Variants in ZNF365 observed in about 807,000 individuals in gnomAD.
The protein encoded by ZNF365 is protein ZNF365.
ZNF365 carries 22 observed loss-of-function variants against 35.0 expected under a neutral mutation model. The ratio of observed to expected loss-of-function variants is 0.63; its 90% confidence interval spans 0.45 to 0.90. The LOEUF is 0.90. Among genes scored for constraint, ZNF365 ranks in the 40% least tolerant of loss-of-function variants. The pLI is 0.00. For synonymous variants in ZNF365, 188 were observed against 196.2 expected, an observed-to-expected ratio of 0.96 and a Z score of 0.35; for missense variants, 448 against 500.3, an observed-to-expected ratio of 0.90 and a Z score of 1.00.
Position 62,388,545 on chromosome 10 carries a change from C to T in ZNF365, c.893C>T (p.Ser298Phe). Residue 298 changes from serine to phenylalanine, a missense_variant, in exon 3 of 5, where the codon TCT (serine) becomes TTT (phenylalanine). Transcript: ENST00000395254. Reference protein sequence around the residue: ...QLEYYQSQQASGFVRDLSGHV... With the variant: ...QLEYYQSQQAFGFVRDLSGHV... ...GAGTACTATCAGAGCCAGCAGGCCT[C>T]TGGCTTTGTCCGTGATCTCAGCGGG... 6.2e-7 allele frequency: 1 copy of T among 1,614,132 alleles called. No individual in the cohort carries two copies. Among genetic ancestry groups the T allele is most frequent in the Non-Finnish European group, 8.5e-7 (1 of 1,180,032 alleles).
At chr10:62,414,819 C>A (rs1840047665) in intron 3 of ZNF365, among the ~76,000 whole-genome samples, 1 of 152,190 alleles carries the variant, frequency 6.6e-6, no homozygotes, top group African/African-American at 2.4e-5. Context: ...TTTTGGGATA[C>A]AGGCTATATG....
In ZNF365 at chr10:62,376,671, C is replaced by T. The variant is rs776601568; in HGVS notation, c.478C>T (p.His160Tyr). ...TSDTKASFEA[H>Y]VREKFNRMVE... ...AGACACCAAAGCTTCTTTCGAGGCA[C>T]ATGTCAGAGAAAAATTCAATCGAAT... Residue 160 changes from histidine (H) to tyrosine (Y), a missense_variant, in exon 2 of 5, where the codon CAT becomes TAT. Transcript: ENST00000395254. The T allele has an allele frequency of 4.3e-6, 7 of 1,614,096 alleles. No homozygotes were observed. Among genetic ancestry groups the T allele is most frequent in the South Asian group, 3.3e-5 (3 of 91,076 alleles).
chr10:62,420,540 A>G (rs2132447238), intron 3 of ZNF365, among the ~76,000 whole-genome samples: 1 of 152,344 alleles, frequency 6.6e-6, no homozygotes, highest in Middle Eastern at 3.4e-3. Flanking sequence ...ATTGGCCCAT[A>G]TAACTGCAAA....
At chr10:62,471,306 C>A (rs1420777136) in intron 4 of ZNF365, among the ~76,000 whole-genome samples, 1 of 146,842 alleles carries the variant, frequency 6.8e-6, no homozygotes, top group Non-Finnish European at 1.5e-5. Context: ...GCGGAGCTTG[C>A]AGTGAGCCGA....
At chr10:62,466,097 C>T (rs188602615) in intron 4 of ZNF365, among the ~76,000 whole-genome samples, 3 of 152,332 alleles carry the variant, frequency 2.0e-5, no homozygotes, top group Non-Finnish European at 2.9e-5. Flanking sequence ...CACCCCTACT[C>T]ACTGCACTGC....
chr10:62,456,439 C>T (rs1411022677), intron 3 of ZNF365, among the ~76,000 whole-genome samples: 1 of 152,216 alleles, frequency 6.6e-6, no homozygotes, highest in Non-Finnish European at 1.5e-5. Context: ...TCCCCCACCC[C>T]TCTCTTCTCA....
intron 4 of ZNF365, among the ~76,000 whole-genome samples, chr10:62,478,574 T>C (rs4489633): frequency 0.39 from 58,863 of 152,130 alleles, 13,822 homozygotes; most frequent in Middle Eastern, 0.52. Flanking sequence ...CATTTTTTTG[T>C]TTGTTGTTTG....
chr10:62,410,791 T>A (rs749270123), intron 3 of ZNF365, among the ~76,000 whole-genome samples: 4 of 151,960 alleles, frequency 2.6e-5, no homozygotes, highest in Non-Finnish European at 4.4e-5. Flanking sequence ...GTTAATTCCA[T>A]GTCTTTGGTA....
downstream of ZNF365, among the ~76,000 whole-genome samples, chr10:62,406,624 CT>C (rs1268634758): frequency 6.6e-6 from 1 of 152,104 alleles, no homozygotes; most frequent in Non-Finnish European, 1.5e-5. Context: ...TTTCTTCCAG[CT>C]GGGGAGGATC....
At chr10:62,471,345 G>C (rs1314037206) in intron 4 of ZNF365, among the ~76,000 whole-genome samples, 1 of 138,390 alleles carries the variant, frequency 7.2e-6, no homozygotes, top group Non-Finnish European at 1.5e-5. Context: ...CAGCCTGGGC[G>C]ACAGAGCAAG....
intron 3 of ZNF365, among the ~76,000 whole-genome samples, chr10:62,447,876 C>T (rs560537182): frequency 4.1e-4 from 62 of 152,312 alleles, no homozygotes; most frequent in African/African-American, 1.4e-3. Context: ...CACATTGGTT[C>T]AGCACTGGGT....
rs906944978 is a variant in ZNF365, at chr10:62,431,743, T to A, written c.925-27998T>A. 5.3e-5 allele frequency among the ~76,000 whole-genome samples: 8 copies of A among 152,320 alleles called. No individual in the cohort carries two copies. The East Asian group carries it at 1.2e-3, about 22-fold the overall frequency. On this transcript the variant is annotated intron_variant, in intron 3 of 4. Coordinates refer to the ZNF365 transcript ENST00000395255. ...TCTGGATATAAGAATAGGATAAGAA[T>A]GGGTATTATTTTAAGAAAGATTTTC...
intron 4 of ZNF365, among the ~76,000 whole-genome samples, chr10:62,469,080 G>A (rs1434599978): frequency 6.6e-6 from 1 of 152,232 alleles, no homozygotes; most frequent in Non-Finnish European, 1.5e-5. Context: ...GACCAGTCAA[G>A]AGCAGAGTTC....
chr10:62,380,363 T>C lies in ZNF365; in HGVS notation c.743+3427T>C, dbSNP rs116859120. 4.3e-3 allele frequency among the ~76,000 whole-genome samples: 660 copies of C among 152,356 alleles called. 12 individuals carry two copies. In the East Asian group the frequency reaches 0.057, roughly 13 times the overall value. ...AGAAGTAAATATATTTTCCTTATGA[T>C]TATCTTAATAACATTTTCTTTAGCT... On this transcript the variant is annotated intron_variant, in intron 2 of 4. Transcript: ENST00000395254.
intron 3 of ZNF365, among the ~76,000 whole-genome samples, chr10:62,435,055 G>A (rs11813357): frequency 0.47 from 71,544 of 151,504 alleles, 20,280 homozygotes; most frequent in East Asian, 0.67. Context: ...AAATAAATAA[G>A]ACCATTTCAG....
chr10:62,436,897 A>T (rs906510090), intron 3 of ZNF365, among the ~76,000 whole-genome samples: 2 of 151,880 alleles, frequency 1.3e-5, no homozygotes, highest in African/African-American at 4.8e-5. Context: ...ATGCACCGTA[A>T]ACAACGAGTG....
chr10:62,442,989 C>G (rs558663791), intron 3 of ZNF365, among the ~76,000 whole-genome samples: 1 of 152,162 alleles, frequency 6.6e-6, no homozygotes, highest in Non-Finnish European at 1.5e-5. Context: ...AATTGTCCGT[C>G]GCATACAGGG....
At chr10:62,416,708 G>GT in intron 3 of ZNF365, among the ~76,000 whole-genome samples, 1 of 151,920 alleles carries the variant, frequency 6.6e-6, no homozygotes, top group Non-Finnish European at 1.5e-5. Flanking sequence ...GGATTTTGGT[G>GT]TTTTTTGTTT....
At chr10:62,446,188 G>A (rs1231345890) in intron 3 of ZNF365, among the ~76,000 whole-genome samples, 9 of 152,202 alleles carry the variant, frequency 5.9e-5, no homozygotes, top group Non-Finnish European at 1.2e-4. Flanking sequence ...AGGACCCAGA[G>A]TTCCAAGTAG....
Sources: allele counts gnomAD v4.1 joint callset (sites outside exome capture counted in the v4.1 genomes callset), GRCh38; gene constraint gnomAD v4.1.1; transcripts MANE v1.5; gene names NCBI Gene and HGNC (gene_info 2026-07-23, HGNC 2026-07-21).